The following ZMYM4 variants were observed in gnomAD, a reference collection of about 807,000 sequenced individuals.
ZMYM4 encodes zinc finger MYM-type protein 4.
ZMYM4 carries 31 observed loss-of-function variants against 183.2 expected under a neutral mutation model. The ratio of observed to expected loss-of-function variants is 0.17; its 90% confidence interval spans 0.13 to 0.23. The LOEUF is 0.23. ZMYM4 is among the 10% of genes least tolerant of loss of function. The pLI, the probability that ZMYM4 is intolerant of heterozygous loss-of-function variation, is 1.00. For missense variants in ZMYM4, 1,273 were observed against 1,840.3 expected, an observed-to-expected ratio of 0.69 and a Z score of 5.64; for synonymous variants, 592 against 631.2, an observed-to-expected ratio of 0.94 and a Z score of 0.93.
At chr1:35,383,168 A>T (rs1644503118) in intron 9 of ZMYM4, among the ~76,000 whole-genome samples, 1 of 152,170 alleles carries the variant, frequency 6.6e-6, no homozygotes, top group Admixed American at 6.5e-5. Flanking sequence ...TTTGTATTTT[A>T]TTAGTGAATT....
At chr1:35,374,348 G>T (rs1644288257) in intron 7 of ZMYM4, among the ~76,000 whole-genome samples, 2 of 152,046 alleles carry the variant, frequency 1.3e-5, no homozygotes, top group African/African-American at 4.8e-5. Flanking sequence ...TCATGGGATT[G>T]TAAGACTTAA....
At chr1:35,274,672 G>A (rs1443373862) in intron 1 of ZMYM4, among the ~76,000 whole-genome samples, 1 of 149,242 alleles carries the variant, frequency 6.7e-6, no homozygotes, top group Non-Finnish European at 1.5e-5. Flanking sequence ...ATTCTGAGTT[G>A]TTTTCACACG....
chr1:35,286,633 CTG>C (rs60539211), intron 1 of ZMYM4, among the ~76,000 whole-genome samples: 9,058 of 145,404 alleles, frequency 0.062, 867 homozygotes, highest in East Asian at 0.44. Flanking sequence ...GGATCGTACT[CTG>C]TTGCCCAGGT....
chr1:35,413,144 A>G (rs1407189840), intron 26 of ZMYM4, among the ~76,000 whole-genome samples: 8 of 151,642 alleles, frequency 5.3e-5, no homozygotes. Context: ...CCAGGTTCAA[A>G]CAACCCTCCT....
In ZMYM4 at chr1:35,338,719, G is replaced by T. The variant is rs149178140; in HGVS notation, c.85+13314G>T. ...TTAATTTGCATTTCCTTGTTAATGA[G>T]TAGTTGAACATTTTTCACATTTATT... On this transcript the variant is annotated intron_variant, in intron 2 of 29. Coordinates refer to ENST00000314607, the MANE Select transcript of ZMYM4 (RefSeq NM_005095.3). 8.5e-5 allele frequency among the ~76,000 whole-genome samples: 13 copies of T among 152,256 alleles called. 2 individuals carry two copies. Among genetic ancestry groups the T allele is most frequent in the African/African-American group, 2.6e-4 (11 of 41,550 alleles).
intron 5 of ZMYM4, among the ~76,000 whole-genome samples, chr1:35,363,991 A>G (rs992242501): frequency 6.6e-6 from 1 of 152,208 alleles, no homozygotes; most frequent in African/African-American, 2.4e-5. Flanking sequence ...ACCAAATACA[A>G]TAGGGGTAGA....
At chr1:35,346,273 G>T (rs1237608156) in intron 2 of ZMYM4, among the ~76,000 whole-genome samples, 1 of 152,180 alleles carries the variant, frequency 6.6e-6, no homozygotes, top group Non-Finnish European at 1.5e-5. Context: ...CACCATGGTG[G>T]CTGGAAGTGG....
At chr1:35,363,141 G>A (rs1185893251) in intron 5 of ZMYM4, among the ~76,000 whole-genome samples, 2 of 152,142 alleles carry the variant, frequency 1.3e-5, no homozygotes, top group African/African-American at 2.4e-5. Flanking sequence ...ACTGCCCTCC[G>A]GCTTGGATGA....
At chr1:35,327,259 G>A (rs917815198) in intron 2 of ZMYM4, among the ~76,000 whole-genome samples, 1 of 152,132 alleles carries the variant, frequency 6.6e-6, no homozygotes, top group Admixed American at 6.5e-5. Flanking sequence ...TTATACATGT[G>A]TAATTTATTT....
At chr1:35,269,155 C>T in intron 1 of ZMYM4, 70 bp downstream of exon 1, 1 of 1,533,304 alleles carries the variant, frequency 6.5e-7, no homozygotes, top group Non-Finnish European at 8.8e-7. Flanking sequence ...ATGGGCCATA[C>T]TCAGGTTCGT....
At chr1:35,281,892 T>C (rs1344606014) in intron 1 of ZMYM4, among the ~76,000 whole-genome samples, 1 of 152,228 alleles carries the variant, frequency 6.6e-6, no homozygotes, top group Non-Finnish European at 1.5e-5. Context: ...AGATATTTCA[T>C]GTAAGTGGAC....
chr1:35,276,693 C>T (rs941324814), intron 1 of ZMYM4, among the ~76,000 whole-genome samples: 7 of 151,966 alleles, frequency 4.6e-5, no homozygotes, highest in African/African-American at 7.2e-5. Context: ...CTGCATCGTC[C>T]GTCTCCTGGG....
intron 1 of ZMYM4, among the ~76,000 whole-genome samples, chr1:35,322,945 C>T (rs1214631287): frequency 6.6e-6 from 1 of 151,232 alleles, no homozygotes; most frequent in African/African-American, 2.4e-5. Context: ...CTGCCTCGGC[C>T]TCCCAAAGTG....
Position 35,383,413 on chromosome 1 carries a change from G to A in ZMYM4, c.1569+1655G>A, listed in dbSNP as rs532497367. ...CAAAATTGGTGAATTTAATAGCGTT[G>A]ATTAGGAACATTCTTGTTAATTGTT... On this transcript the variant is annotated intron_variant, in intron 9 of 29. Coordinates refer to ENST00000314607, the MANE Select transcript of ZMYM4 (RefSeq NM_005095.3). 4.6e-5 allele frequency among the ~76,000 whole-genome samples: 7 copies of A among 152,184 alleles called. No individual in the cohort carries two copies. The East Asian group carries it at 7.7e-4, about 17-fold the overall frequency.
At chr1:35,302,275 A>G (rs1221557764) in intron 1 of ZMYM4, among the ~76,000 whole-genome samples, 1 of 135,952 alleles carries the variant, frequency 7.4e-6, no homozygotes, top group Non-Finnish European at 1.5e-5. Context: ...TGGCACCATC[A>G]CAGCTCACTG....
chr1:35,320,946 T>A (rs1180945378), intron 1 of ZMYM4, among the ~76,000 whole-genome samples: 1 of 152,214 alleles, frequency 6.6e-6, no homozygotes, highest in Non-Finnish European at 1.5e-5. Context: ...TGAAAGAAAC[T>A]AACTAGATTG....
rs1644182370 is a variant in ZMYM4 at position 35,370,527 on chromosome 1, A to G, written c.1081A>G (p.Thr361Ala). 6.2e-7 allele frequency: 1 copy of G among 1,613,290 alleles called. No homozygotes were observed. The highest frequency in any genetic ancestry group is 1.6e-4 in the Middle Eastern group (1 of 6,062). Reference protein sequence around the residue: ...GQTAYQRKGSTQLFCSTLCLT... With the variant: ...GQTAYQRKGSAQLFCSTLCLT... Reference sequence around the variant, plus strand: ...AACTGCTTATCAGAGGAAAGGGTCTACTCAGCTATTCTGCTCCACACTGTG... The same window carrying G: ...AACTGCTTATCAGAGGAAAGGGTCTGCTCAGCTATTCTGCTCCACACTGTG... The change falls in exon 7 of 30, where the codon ACT becomes GCT. Residue 361 changes from threonine to alanine, a missense_variant. By Grantham distance (58) the Thr-to-Ala change is moderately conservative. Around this residue, in one of 6 missense-constraint regions of ZMYM4, gnomAD observed 384 missense variants for 465.6 expected, o/e 0.82. Coordinates refer to ENST00000314607, the MANE Select transcript of ZMYM4 (RefSeq NM_005095.3).
intron 12 of ZMYM4, 48 bp from the exon 13 acceptor site, chr1:35,387,406 A>G: frequency 6.4e-7 from 1 of 1,574,168 alleles, no homozygotes; most frequent in Admixed American, 1.8e-5. Flanking sequence ...GGAGTTCCAT[A>G]AGACAAACCA....
rs541401059 is a variant in ZMYM4 at position 35,418,716 on chromosome 1, A to G, written c.4439+144A>G. ...GAATTTTTTCCCCATTGTCATATCT[A>G]TGTGGATTTTGAACCACAAAACAAA... On this transcript the variant is annotated intron_variant, in intron 29 of 29. Transcript: ENST00000314607. 3.2e-5 allele frequency: 32 copies of G among 1,006,190 alleles called. 1 individual carries two copies. The South Asian group carries it at 4.4e-4, about 14-fold the overall frequency. The allele number at this position is 1,006,190 out of a possible 1,614,324, so 62.3% of individuals were successfully genotyped here. A position where few individuals can be genotyped will look rare whatever the true frequency, so the allele number is the denominator to read the frequency against.
Sources: gnomAD v4.1 joint callset for allele counts (sites outside exome capture counted in the v4.1 genomes callset) on GRCh38, gnomAD v4.1.1 for gene constraint, gnomAD v4.1.1 regional missense constraint, MANE v1.5 for transcripts, NCBI Gene and HGNC (gene_info 2026-07-23, HGNC 2026-07-21) for gene names.